C16orf89: variants seen among roughly 807,000 people sequenced by gnomAD.
C16orf89 encodes the protein chromosome 16 open reading frame 89.
A neutral mutation model predicts 41.5 loss-of-function variants in C16orf89; 57 were observed. The ratio of observed to expected loss-of-function variants is 1.38; its 90% CI spans 1.11 to 1.71. The LOEUF is 1.71. C16orf89 is among the 40% of genes most tolerant of loss of function. The pLI is 0.00. For missense variants in C16orf89, 575 were observed against 445.9 expected, an observed-to-expected ratio of 1.29 and a Z score of -2.61; for synonymous variants, 223 against 190.6, an observed-to-expected ratio of 1.17 and a Z score of -1.40.
At chr16:5,065,593 A>G (rs1281721436) in intron 1 of C16orf89, 108 bp downstream of exon 1, 11 of 1,291,294 alleles carry the variant, frequency 8.5e-6, no homozygotes, top group Admixed American at 2.3e-5. Context: ...GAGGCAGGCT[A>G]TACTGGGGCC....
chr16:5,058,753 C>T (rs1458326452), intron 3 of C16orf89, 143 bp from the exon 4 acceptor site: 3 of 606,208 alleles, frequency 4.9e-6, no homozygotes, highest in Non-Finnish European at 8.4e-6. Context: ...GACAATACAG[C>T]AGTCCTGCAT....
Position 5,044,769 on chromosome 16 carries a change from A to C in C16orf89, c.956-291T>G, listed in dbSNP as rs541370627. ...TGAGGCAAGAGAATTGCTTGAACCC[A>C]GGAGGCAAAGGTTGCAGTGAGCCGA... On this transcript the variant is annotated intron_variant, in intron 7 of 7. Coordinates refer to ENST00000472572, the MANE Select transcript of C16orf89 (RefSeq NM_001098514.3). 2.3e-5 allele frequency: 26 copies of C among 1,119,362 alleles called. No homozygotes were observed. In the Admixed American group the frequency reaches 6.3e-4, roughly 27 times the overall value. 69.3% of individuals were successfully genotyped at this position (1,119,362 alleles called of 1,614,324 possible).
At chr16:5,052,468 G>A (rs1025703342) in intron 6 of C16orf89, among the ~76,000 whole-genome samples, 66 of 152,156 alleles carry the variant, frequency 4.3e-4, no homozygotes, top group Non-Finnish European at 1.3e-4. Flanking sequence ...GCTCCCACCT[G>A]TAGTCTCAGC....
intron 6 of C16orf89, among the ~76,000 whole-genome samples, chr16:5,050,708 T>C (rs773314148): frequency 4.6e-5 from 7 of 152,168 alleles, no homozygotes; most frequent in Non-Finnish European, 7.3e-5. Context: ...TAGGCCGATT[T>C]CCCTGATGAA....
chr16:5,064,483 A>G (rs1384425703), intron 1 of C16orf89, among the ~76,000 whole-genome samples: 1 of 152,254 alleles, frequency 6.6e-6, no homozygotes, highest in Non-Finnish European at 1.5e-5. Flanking sequence ...TGATACTCCC[A>G]TCCACCAGCT....
At chr16:5,055,659 A>G in intron 5 of C16orf89, 1 of 1,526,074 alleles carries the variant, frequency 6.6e-7, no homozygotes, top group Non-Finnish European at 8.8e-7. Context: ...CTCATCCATA[A>G]GGCTTTGTGG....
At chr16:5,055,629 C>A in intron 5 of C16orf89, 1 of 1,467,314 alleles carries the variant, frequency 6.8e-7, no homozygotes, top group Non-Finnish European at 9.2e-7. Context: ...CTAGCAGCCT[C>A]CCAAGCGCTC....
chr16:5,053,383 G>C (rs1014960996), intron 6 of C16orf89, among the ~76,000 whole-genome samples: 1 of 151,772 alleles, frequency 6.6e-6, no homozygotes, highest in African/African-American at 2.4e-5. Flanking sequence ...AAAAAAAGAA[G>C]TGGAGTGTTG....
At chr16:5,055,574 G>C in intron 5 of C16orf89, 1 of 1,211,102 alleles carries the variant, frequency 8.3e-7, no homozygotes, top group Admixed American at 2.4e-5. Flanking sequence ...GGTCAGGGCT[G>C]CTCCAAAGTC....
At position 5,060,307 on chromosome 16, in the gene C16orf89, A is replaced by C; in HGVS notation, c.488T>G (p.Leu163Arg). The C allele has an allele frequency of 1.2e-6, 2 of 1,611,468 alleles. 1 individual carries two copies. Among genetic ancestry groups the C allele is most frequent in the South Asian group, 2.2e-5 (2 of 90,804 alleles). Residue 163 changes from leucine (L) to arginine (R), a missense_variant, in exon 3 of 8, where the codon CTG (leucine) becomes CGG (arginine). Coordinates refer to ENST00000472572, the MANE Select transcript of C16orf89 (RefSeq NM_001098514.3). Reference sequence around the variant, plus strand: ...CCACCCGGTTCCCAGCAGCTGCACCAGGCACACGTCACTTCTCTCCTCTGA... The same window carrying C: ...CCACCCGGTTCCCAGCAGCTGCACCCGGCACACGTCACTTCTCTCCTCTGA... ...SFSEERSDVC[L>R]VQLLGTGTDS...
At chr16:5,056,286 C>G (rs892957765) in intron 4 of C16orf89, 98 bp from the exon 5 acceptor site, 2 of 1,235,564 alleles carry the variant, frequency 1.6e-6, no homozygotes, top group Non-Finnish European at 2.3e-6. Context: ...GACGGTCTTG[C>G]AAGGGGCTGT....
chr16:5,057,374 T>C (rs1013966614), intron 4 of C16orf89, among the ~76,000 whole-genome samples: 9 of 147,530 alleles, frequency 6.1e-5, no homozygotes, highest in African/African-American at 2.2e-4. Context: ...TATCGTGATA[T>C]ATATATAGTG....
intron 4 of C16orf89, among the ~76,000 whole-genome samples, chr16:5,057,191 C>A (rs146153424): frequency 1.4e-5 from 2 of 148,118 alleles, no homozygotes; most frequent in African/African-American, 5.0e-5. Flanking sequence ...GAGCTGAGAT[C>A]GTGCCACTGC....
chr16:5,057,603 A>T (rs1430847333), intron 4 of C16orf89, among the ~76,000 whole-genome samples: 1 of 151,644 alleles, frequency 6.6e-6, no homozygotes, highest in Admixed American at 6.6e-5. Flanking sequence ...ATCTCAGCTC[A>T]CTACAGCCTC....
chr16:5,045,172 C>G (rs1956272736), intron 7 of C16orf89, among the ~76,000 whole-genome samples: 1 of 152,232 alleles, frequency 6.6e-6, no homozygotes, highest in Admixed American at 6.5e-5. Context: ...TTACGTACCT[C>G]AATAAACCCA....
At chr16:5,048,781 A>G (rs1027914689) in intron 6 of C16orf89, among the ~76,000 whole-genome samples, 3 of 152,202 alleles carry the variant, frequency 2.0e-5, no homozygotes, top group South Asian at 2.1e-4. Flanking sequence ...AGTGATAACA[A>G]TAAGAAAGGA....
intron 7 of C16orf89, among the ~76,000 whole-genome samples, chr16:5,045,993 C>G (rs1469464541): frequency 6.6e-6 from 1 of 152,160 alleles, no homozygotes; most frequent in East Asian, 1.9e-4. Context: ...TGGGGACGGG[C>G]AGCTGACCAG....
Position 5,065,831 on chromosome 16 carries a change from C to A in C16orf89, c.78G>T (p.Leu26=), listed in dbSNP as rs746052353. The A allele has an allele frequency of 6.2e-7, 1 of 1,614,232 alleles. No homozygotes were observed. The highest frequency in any genetic ancestry group is 8.5e-7 in the Non-Finnish European group (1 of 1,180,026). The part of the protein sequence containing the change: ...PPLWSSSLPG[L]DTAESKATIA... Reference sequence around the variant, plus strand: ...TGGTGGCTTTACTTTCAGCAGTGTCCAGCCCAGGCAGTGAGGAGGACCACA... The same window carrying A: ...TGGTGGCTTTACTTTCAGCAGTGTCAAGCCCAGGCAGTGAGGAGGACCACA... Residue 26 remains leucine (L), a synonymous_variant, in exon 1 of 8, where the codon CTG becomes CTT. Coordinates refer to ENST00000472572, the MANE Select transcript of C16orf89 (RefSeq NM_001098514.3).
Position 5,055,354 on chromosome 16 carries a change from G to A in C16orf89, c.764-4C>T. On this transcript the variant is annotated splice_region_variant and splice_polypyrimidine_tract_variant and intron_variant, in intron 5 of 7. Coordinates refer to ENST00000472572, the MANE Select transcript of C16orf89 (RefSeq NM_001098514.3). ...CCGCCCATTCCACAGAACATGACTG[G>A]AAGTAAAGACGGGGGCCCTCTGCAG... 1 of 1,603,828 alleles carries A rather than the reference G, an allele frequency of 6.2e-7. No individual in the cohort carries two copies. Among genetic ancestry groups the A allele is most frequent in the Non-Finnish European group, 8.5e-7 (1 of 1,173,732 alleles).
Sources: gnomAD v4.1 joint callset for allele counts (sites outside exome capture counted in the v4.1 genomes callset) on GRCh38, gnomAD v4.1.1 for gene constraint, MANE v1.5 for transcripts, NCBI Gene and HGNC (gene_info 2026-07-23, HGNC 2026-07-21) for gene names.